PMS2: variants seen among roughly 807,000 people sequenced by gnomAD.
PMS2 encodes PMS1 homolog 2, mismatch repair system component, also known as mismatch repair endonuclease PMS2.
PMS2 carries 69 observed loss-of-function variants against 90.0 expected under a neutral mutation model. That is an observed-to-expected ratio of 0.77 (90% CI 0.63 to 0.94). The LOEUF (loss-of-function observed/expected upper bound fraction) is 0.94, where lower values mean the gene tolerates loss of function less well. Ranked by LOEUF, PMS2 falls within the 40% of genes least tolerant of loss-of-function variation. The probability of loss-of-function intolerance (pLI) is 0.00; values close to 1 mark genes in which losing one functional copy is unlikely to be tolerated. For missense variants in PMS2, 966 were observed against 1,040.2 expected (o/e 0.93, Z 0.98); for synonymous variants, 332 against 375.1 (o/e 0.89, Z 1.33).
At chr7:6,004,174 A>AT in intron 2 of PMS2, 116 bp from the exon 3 acceptor site, 1 of 676,272 alleles carries the variant, frequency 1.5e-6, no homozygotes, top group Non-Finnish European at 2.7e-6. Context: ...ACCTTTAGTT[A>AT]AACATACTAG....
At position 5,986,925 on chromosome 7, in the gene PMS2, T is replaced by G; in HGVS notation, c.1840A>C (p.Lys614Gln). The change falls in exon 11 of 15, where the codon AAA becomes CAA. Residue 614 changes from lysine (K) to glutamine (Q), a missense_variant. Transcript: ENST00000265849. ...ATAGAAAAGTCCAGGGGCACAACTT[T>G]CTTATTAATTTTCACAGCTACATCA... ...QVDVAVKINK[K>Q]VVPLDFSMSS... is the part of the protein sequence containing the mutation. 1.2e-6 allele frequency: 2 copies of G among 1,614,190 alleles called. No homozygotes were observed. The highest frequency in any genetic ancestry group is 8.5e-7 in the Non-Finnish European group (1 of 1,180,024).
rs748920792 is a variant in PMS2, at chr7:5,987,598, T to C, written c.1167A>G (p.Ala389=). Residue 389 remains alanine, a synonymous_variant, in exon 11 of 15, where the codon GCA becomes GCG. Transcript: ENST00000265849. ...DVEGNLIKMH[A]ADLEKPMVEK... ...CTACCATGGGCTTTTCCAAATCCGC[T>C]GCATGCATTTTTATTAAGTTACCTA... 8.1e-6 allele frequency: 13 copies of C among 1,604,904 alleles called. No homozygotes were observed. Among genetic ancestry groups the C allele is most frequent in the African/African-American group, 4.0e-5 (3 of 74,746 alleles).
rs185252270 is a variant in PMS2, at chr7:5,978,199, A to T, written c.2275+397T>A. Among the ~76,000 whole-genome samples the T allele has an allele frequency of 3.7e-3, 553 of 150,774 alleles. 7 individuals are homozygous for T. Among genetic ancestry groups the T allele is most frequent in the African/African-American group, 0.012 (509 of 41,010 alleles). On this transcript the variant is annotated intron_variant, in intron 13 of 14. Transcript: ENST00000265849. ...GGAGGAACTTTTTAATCTTTTATAA[A>T]ATTAAAAAAAACTGGTCTATATGAC...
At chr7:5,999,354 A>G (rs932998969) in intron 5 of PMS2, 79 bp from the exon 6 acceptor site, 2 of 1,262,448 alleles carry the variant, frequency 1.6e-6, no homozygotes, top group East Asian at 2.3e-5. Flanking sequence ...ACAACATCCA[A>G]CGCAAGGTTC....
intron 10 of PMS2, among the ~76,000 whole-genome samples, chr7:5,988,271 T>C (rs139545202): frequency 5.7e-4 from 87 of 152,192 alleles, no homozygotes; most frequent in African/African-American, 2.0e-3. Flanking sequence ...CAACCCAGCA[T>C]AGCTACTCCT....
intron 11 of PMS2, among the ~76,000 whole-genome samples, chr7:5,986,424 G>A (rs1782867400): frequency 6.6e-6 from 1 of 151,178 alleles, no homozygotes; most frequent in Non-Finnish European, 1.5e-5. Flanking sequence ...GGGTGTGGTG[G>A]CTCACACCTG....
At chr7:5,978,926 G>T (rs1276918433) in intron 12 of PMS2, among the ~76,000 whole-genome samples, 1 of 149,050 alleles carries the variant, frequency 6.7e-6, no homozygotes. Context: ...CAGGTGCGGT[G>T]GCTCACGCCT....
chr7:5,991,470 TA>T (rs72363238), intron 9 of PMS2, among the ~76,000 whole-genome samples: 52,573 of 150,934 alleles, frequency 0.35, 9,895 homozygotes, highest in Non-Finnish European at 0.42. Context: ...TGGTTGACAT[TA>T]AAAAAAATTA....
chr7:5,995,905 C>T (rs74448798), intron 7 of PMS2, among the ~76,000 whole-genome samples: 2,942 of 152,242 alleles, frequency 0.019, 92 homozygotes, highest in African/African-American at 0.068. Flanking sequence ...GCTCTCCTTA[C>T]CCTTCCTGAT....
At chr7:5,983,109 C>T in intron 11 of PMS2, 118 bp from the exon 12 acceptor site, 1 of 1,423,274 alleles carries the variant, frequency 7.0e-7, no homozygotes, top group Non-Finnish European at 9.5e-7. Context: ...AAGTCCCTAG[C>T]CATCCCGCTT....
At chr7:5,995,410 A>T in intron 8 of PMS2, 124 bp downstream of exon 8, 1 of 706,476 alleles carries the variant, frequency 1.4e-6, no homozygotes, top group Non-Finnish European at 2.6e-6. Context: ...ACAAAATAAG[A>T]TAATGTTAAA....
At chr7:5,989,566 C>A (rs1362221142) in intron 10 of PMS2, among the ~76,000 whole-genome samples, 1 of 151,924 alleles carries the variant, frequency 6.6e-6, no homozygotes, top group African/African-American at 2.4e-5. Flanking sequence ...ACTTGGGAGG[C>A]TGAGGCAGGA....
At chr7:5,984,854 G>A (rs1029412481) in intron 11 of PMS2, among the ~76,000 whole-genome samples, 4 of 151,636 alleles carry the variant, frequency 2.6e-5, no homozygotes, top group African/African-American at 9.7e-5. Flanking sequence ...CCGGTCCCAT[G>A]CCACCATGCT....
intron 11 of PMS2, among the ~76,000 whole-genome samples, chr7:5,985,265 T>TA (rs1782733079): frequency 4.1e-5 from 3 of 73,928 alleles, no homozygotes; most frequent in Admixed American, 1.3e-4. Flanking sequence ...ACTTAGCTAA[T>TA]TTTTTTTTTT....
At chr7:5,993,180 G>A (rs1163743355) in intron 8 of PMS2, among the ~76,000 whole-genome samples, 1 of 151,532 alleles carries the variant, frequency 6.6e-6, no homozygotes, top group Non-Finnish European at 1.5e-5. Context: ...TGACTAGCCT[G>A]GGCAACACAG....
chr7:5,988,661 T>G (rs1783358864), intron 10 of PMS2, among the ~76,000 whole-genome samples: 1 of 152,164 alleles, frequency 6.6e-6, no homozygotes. Flanking sequence ...TGGAAACAAT[T>G]CAAATATTCA....
At position 6,002,551 on chromosome 7, in the gene PMS2, T is replaced by C. The variant is rs1583403496; in HGVS notation, c.439A>G (p.Thr147Ala). The change falls in exon 5 of 15, where the codon ACC becomes GCC. Residue 147 changes from threonine (T) to alanine (A), a missense_variant. Transcript: ENST00000265849. ...FDHNGKIIQK[T>A]PYPRPRGTTV... ...GTCCCTCTGGGGCGGGGGTAGGGGG[T>C]TTTCTGGATAATTTTCCCATTGTGA... is the stretch of plus-strand genomic sequence containing the variant. The C allele has an allele frequency of 6.2e-7, 1 of 1,611,048 alleles. No homozygotes were observed. The highest frequency in any genetic ancestry group is 8.5e-7 in the Non-Finnish European group (1 of 1,179,566).
At position 6,009,013 on chromosome 7, in the gene PMS2, G is replaced by A. The variant is rs763939668; in HGVS notation, c.7C>T (p.Arg3Ter). The change falls in exon 1 of 15, where the codon CGA becomes TGA. Residue 3 changes from arginine (R) to a stop codon, truncating the protein, a stop_gained. Transcript: ENST00000265849. LOFTEE classifies it high-confidence loss of function. ME[R>*]AESSSTEPAK... ...CCCGCTCACCTCGAGCTCTCAGCTC[G>A]CTCCATGGATGCAACACCCGATCCG... 1.2e-6 allele frequency: 2 copies of A among 1,612,530 alleles called. No homozygotes were observed. The highest frequency in any genetic ancestry group is 1.7e-6 in the Non-Finnish European group (2 of 1,179,822).
chr7:5,979,089 G>C (rs1782040132), intron 12 of PMS2, among the ~76,000 whole-genome samples: 1 of 147,232 alleles, frequency 6.8e-6, no homozygotes, highest in South Asian at 2.2e-4. Flanking sequence ...CCAGCTACTT[G>C]GGAGGCTTAG....
Sources: gnomAD v4.1 joint callset for allele counts (sites outside exome capture counted in the v4.1 genomes callset) on GRCh38, gnomAD v4.1.1 for gene constraint, MANE v1.5 for transcripts, NCBI Gene and HGNC (gene_info 2026-07-23, HGNC 2026-07-21) for gene names.